KMT2A: variants seen among roughly 807,000 people sequenced by gnomAD.
The protein encoded by KMT2A is histone-lysine N-methyltransferase 2A.
Under a neutral mutation model 345.3 loss-of-function variants are expected in KMT2A, and 16 were observed. The ratio of observed to expected loss-of-function variants is 0.05; its 90% confidence interval spans 0.03 to 0.07. The LOEUF is 0.07. KMT2A is among the 10% of genes least tolerant of loss of function. The pLI, the probability that KMT2A is intolerant of heterozygous loss-of-function variation, is 1.00. For missense variants in KMT2A, 3,272 were observed against 4,841.6 expected, an observed-to-expected ratio of 0.68 and a Z score of 9.62; for synonymous variants, 1,599 against 1,778.6, an observed-to-expected ratio of 0.90 and a Z score of 2.54.
intron 1 of KMT2A, among the ~76,000 whole-genome samples, chr11:118,464,725 C>T (rs917146741): frequency 1.3e-5 from 2 of 152,046 alleles, no homozygotes; most frequent in Non-Finnish European, 2.9e-5. Flanking sequence ...TTTACCAATA[C>T]GATCCTGAAA....
Position 118,490,206 on chromosome 11 carries a change from T to C in KMT2A, c.4653T>C (p.His1551=), listed in dbSNP as rs2134334830. ...PGKGWDAQWS[H]DFSLCHDCAK... Reference sequence around the variant, plus strand: ...AAGGGTGGGATGCACAGTGGTCTCATGATTTCTCACTGTGTCATGATTGCG... The same window carrying C: ...AAGGGTGGGATGCACAGTGGTCTCACGATTTCTCACTGTGTCATGATTGCG... Residue 1551 remains histidine, a synonymous_variant, in exon 13 of 36, where the codon CAT becomes CAC. Coordinates refer to ENST00000534358, the MANE Select transcript of KMT2A (RefSeq NM_001197104.2). This position sits in a 1 kb window ranked among gnomAD's most constrained non-coding sequence, Gnocchi z 4.2. The C allele has an allele frequency of 6.9e-6, 11 of 1,583,608 alleles. No homozygotes were observed. Among genetic ancestry groups the C allele is most frequent in the Non-Finnish European group, 9.4e-6 (11 of 1,172,154 alleles).
intron 1 of KMT2A, 152 bp downstream of exon 1, chr11:118,437,096 T>C (rs1235849368): frequency 1.9e-5 from 17 of 885,112 alleles, no homozygotes; most frequent in Non-Finnish European, 2.5e-5. Flanking sequence ...GGGACCCCCA[T>C]GCAGGGCTGC....
intron 2 of KMT2A, 48 bp from the exon 3 acceptor site, chr11:118,471,614 A>G (rs1555035479): frequency 2.2e-6 from 3 of 1,355,152 alleles, no homozygotes; most frequent in Non-Finnish European, 3.0e-6. Context: ...TAAAACCTAA[A>G]CTACACAGCT....
chr11:118,455,315 T>TACTC (rs1317256289), intron 1 of KMT2A, among the ~76,000 whole-genome samples: 5 of 152,226 alleles, frequency 3.3e-5, no homozygotes, highest in Non-Finnish European at 7.3e-5. Flanking sequence ...TACCTGGCAA[T>TACTC]ACTCAATAAA....
At chr11:118,488,393 G>T in intron 10 of KMT2A, 3 of 564,150 alleles carry the variant, frequency 5.3e-6, no homozygotes, top group African/African-American at 1.9e-5. Flanking sequence ...TATTTATTTT[G>T]TTACTTTCTA....
chr11:118,449,624 C>A (rs1555028215), intron 1 of KMT2A: 1 of 151,202 alleles, frequency 6.6e-6, no homozygotes, highest in Non-Finnish European at 1.5e-5. Flanking sequence ...ATTGCATTGG[C>A]CAACTTGGAG....
chr11:118,483,569 T>C (rs1555040038), intron 8 of KMT2A, among the ~76,000 whole-genome samples: 2 of 152,228 alleles, frequency 1.3e-5, no homozygotes, highest in African/African-American at 4.8e-5. Context: ...CCTGTTTCTT[T>C]TTTGGTTTCT....
chr11:118,473,526 T>C lies in KMT2A; in HGVS notation c.2367T>C (p.Thr789=). ...GCATTTCTGTTAGTCCTCTTGCCAC[T>C]AGTGCCTTAAACCCAACTTTTACTT... is the stretch of plus-strand genomic sequence containing the variant. ...SLSISVSPLA[T]SALNPTFTFP... The change falls in exon 3 of 36, where the codon ACT becomes ACC. Residue 789 remains threonine (T), a synonymous_variant. Coordinates refer to ENST00000534358, the MANE Select transcript of KMT2A (RefSeq NM_001197104.2). The surrounding 1 kb of genome is among the most constrained non-coding windows in gnomAD (Gnocchi z 5.2). The C allele has an allele frequency of 6.2e-7, 1 of 1,614,166 alleles. No individual in the cohort carries two copies. The highest frequency in any genetic ancestry group is 8.5e-7 in the Non-Finnish European group (1 of 1,180,024).
intron 1 of KMT2A, among the ~76,000 whole-genome samples, chr11:118,462,221 T>A (rs1949758081): frequency 6.6e-6 from 1 of 152,158 alleles, no homozygotes; most frequent in Non-Finnish European, 1.5e-5. Context: ...TCCAAAGTGC[T>A]GGGATTACAG....
Position 118,491,807 on chromosome 11 carries a change from C to T in KMT2A, c.4883C>T (p.Thr1628Ile), listed in dbSNP as rs782758324. Residue 1628 changes from threonine to isoleucine, a missense_variant, in exon 15 of 36, where the codon ACT becomes ATT. Transcript: ENST00000534358. The surrounding 1 kb of genome is among the most constrained non-coding windows in gnomAD (Gnocchi z 4.2). ...GTGGCCTACACTTGTGTGAACTGTA[C>T]TGAGCGGCACCCTGCAGAGTGGCGA... is the stretch of plus-strand genomic sequence containing the variant. ...ESVAYTCVNC[T>I]ERHPAEWRLA... 1 of 1,614,094 alleles carries T rather than the reference C, an allele frequency of 6.2e-7. No homozygotes were observed.
In KMT2A at chr11:118,521,125, G is replaced by C; in HGVS notation, c.11514-163G>C. Reference sequence around the variant, plus strand: ...CAGAATGGAAATAACTTTCATCTTTGGCCATGTGTTAGATGGCCAAATCAA... The same window carrying C: ...CAGAATGGAAATAACTTTCATCTTTCGCCATGTGTTAGATGGCCAAATCAA... On this transcript the variant is annotated intron_variant, in intron 34 of 35. Coordinates refer to ENST00000534358, the MANE Select transcript of KMT2A (RefSeq NM_001197104.2). This position sits in a 1 kb window ranked among gnomAD's most constrained non-coding sequence, Gnocchi z 5.3. 1.4e-6 allele frequency: 1 copy of C among 732,560 alleles called. No homozygotes were observed. The highest frequency in any genetic ancestry group is 2.3e-6 in the Non-Finnish European group (1 of 437,198). The allele number at this position is 732,560 out of a possible 1,614,324, so 45.4% of individuals were successfully genotyped here. A position where few individuals can be genotyped will look rare whatever the true frequency, so the allele number is the denominator to read the frequency against.
intron 31 of KMT2A, among the ~76,000 whole-genome samples, chr11:118,516,460 C>T (rs550431566): frequency 3.4e-4 from 52 of 152,154 alleles, no homozygotes; most frequent in Non-Finnish European, 6.5e-4. Context: ...GTGAAACTCT[C>T]TTAAAAAAAA....
chr11:118,497,798 C>A lies in KMT2A; in HGVS notation c.5665-138C>A. Reference sequence around the variant, plus strand: ...ACAGAGCAACGTTGCAAAAAGAATTCTGATTTCTGTGTGCCTCCCTCCATT... The same window carrying A: ...ACAGAGCAACGTTGCAAAAAGAATTATGATTTCTGTGTGCCTCCCTCCATT... On this transcript the variant is annotated intron_variant, in intron 20 of 35. Coordinates refer to ENST00000534358, the MANE Select transcript of KMT2A (RefSeq NM_001197104.2). The surrounding 1 kb of genome is among the most constrained non-coding windows in gnomAD (Gnocchi z 4.8). 3.2e-6 allele frequency: 2 copies of A among 632,272 alleles called. No homozygotes were observed. Among genetic ancestry groups the A allele is most frequent in the Non-Finnish European group, 5.5e-6 (2 of 365,774 alleles). The allele number at this position is 632,272 out of a possible 1,614,324, so 39.2% of individuals were successfully genotyped here.
In KMT2A at chr11:118,494,308, T is replaced by A; in HGVS notation, c.5199T>A (p.Ile1733=). The A allele has an allele frequency of 1.3e-6, 2 of 1,597,390 alleles. No homozygotes were observed. The highest frequency in any genetic ancestry group is 1.7e-6 in the Non-Finnish European group (2 of 1,164,716). The change falls in exon 17 of 36, where the codon ATT becomes ATA. Residue 1733 remains isoleucine, a synonymous_variant. Coordinates refer to ENST00000534358, the MANE Select transcript of KMT2A (RefSeq NM_001197104.2). This position sits in a 1 kb window ranked among gnomAD's most constrained non-coding sequence, Gnocchi z 5.8. ...YTSVLEFSDD[I]VKIIQAAINS... The stretch of plus-strand genomic sequence containing the variant: ...TACAGTTGGAGTTCAGTGATGATAT[T>A]GTGAAGATCATTCAAGCAGCCATTA...
At chr11:118,482,216 CTCTCTT>C (rs1306671765) in intron 7 of KMT2A, 124 bp downstream of exon 7, 44 of 1,136,104 alleles carry the variant, frequency 3.9e-5, no homozygotes, top group Non-Finnish European at 5.1e-5. Flanking sequence ...AGAAAATCAG[CTCTCTT>C]TCTAACTATT....
intron 12 of KMT2A, 112 bp downstream of exon 12, chr11:118,489,999 T>C: frequency 1.4e-6 from 2 of 1,416,828 alleles, no homozygotes; most frequent in Non-Finnish European, 9.8e-7. Context: ...ACAATCTTTT[T>C]GCCTCATTAC....
At position 118,484,827 on chromosome 11, in the gene KMT2A, T is replaced by C. The variant is rs376755301; in HGVS notation, c.4219-35T>C. 4 of 1,436,848 alleles carry C rather than the reference T, an allele frequency of 2.8e-6. No individual in the cohort carries two copies. Among genetic ancestry groups the C allele is most frequent in the Non-Finnish European group, 3.9e-6 (4 of 1,019,170 alleles). 89.0% of individuals were successfully genotyped at this position (1,436,848 alleles called of 1,614,324 possible). On this transcript the variant is annotated intron_variant, in intron 9 of 35. Coordinates refer to ENST00000534358, the MANE Select transcript of KMT2A (RefSeq NM_001197104.2). The surrounding 1 kb of genome is among the most constrained non-coding windows in gnomAD (Gnocchi z 4.1). The stretch of plus-strand genomic sequence containing the variant: ...TTTTCCATCCAAAGTTGTGTAATTG[T>C]AAAACTTTCCTAAGTGACCTTTCTC...
chr11:118,477,687 T>C (rs535596785), intron 4 of KMT2A, among the ~76,000 whole-genome samples: 3 of 151,576 alleles, frequency 2.0e-5, no homozygotes, highest in Non-Finnish European at 2.9e-5. Context: ...TTTGTATTTT[T>C]AGTAGAGAGG....
rs2276058 is a variant in KMT2A, at chr11:118,520,026, T to C, written c.11391T>C (p.Asn3797=). The change falls in exon 33 of 36, where the codon AAT becomes AAC. Residue 3797 remains asparagine, a synonymous_variant. Transcript: ENST00000534358. The surrounding 1 kb of genome is among the most constrained non-coding windows in gnomAD (Gnocchi z 4.3). The part of the protein sequence containing the change: ...KHRQPPEYNP[N]DEEEEEVQLK... ...GTCAGCCTCCTGAATACAACCCCAATGATGAAGAAGAGGAGGAGGTACAGC... is the reference window on the plus strand; with the variant it reads ...GTCAGCCTCCTGAATACAACCCCAACGATGAAGAAGAGGAGGAGGTACAGC... The C allele has an allele frequency of 6.5e-4, 1,055 of 1,614,072 alleles. 19 individuals carry two copies. In the East Asian group the frequency reaches 0.023, roughly 35 times the overall value.
Sources: allele counts gnomAD v4.1 joint callset (sites outside exome capture counted in the v4.1 genomes callset), GRCh38; gene constraint gnomAD v4.1.1; non-coding constraint Gnocchi (gnomAD v3.1); transcripts MANE v1.5; gene names NCBI Gene and HGNC (gene_info 2026-07-23, HGNC 2026-07-21).